The following HIKESHI variants were observed in gnomAD, a reference collection of about 807,000 sequenced individuals.
HIKESHI encodes protein Hikeshi.
Under a neutral mutation model 25.7 loss-of-function variants are expected in HIKESHI, and 13 were observed. That is an observed-to-expected ratio of 0.51 (90% CI 0.33 to 0.80). HIKESHI has a LOEUF of 0.80. Ranked by LOEUF, HIKESHI falls within the 30% of genes least tolerant of loss-of-function variation. HIKESHI has a pLI of 0.02. For synonymous variants in HIKESHI, 76 were observed against 78.7 expected (o/e 0.97, Z 0.18); for missense variants, 174 against 229.5 (o/e 0.76, Z 1.56).
chr11:86,332,140 T>TTTTTTTGTA, intron 2 of HIKESHI, among the ~76,000 whole-genome samples: 1 of 152,060 alleles, frequency 6.6e-6, no homozygotes, highest in East Asian at 1.9e-4. Context: ...TATTTTTATT[T>TTTTTTTGTA]TTTTTAGTAG....
intron 1 of HIKESHI, among the ~76,000 whole-genome samples, chr11:86,304,619 A>T (rs980213830): frequency 6.6e-6 from 1 of 150,496 alleles, no homozygotes; most frequent in African/African-American, 2.5e-5. Context: ...AGGTTCAAGC[A>T]ATTCTCATGC....
At chr11:86,306,147 T>C in intron 1 of HIKESHI, 98 bp from the exon 2 acceptor site, 2 of 775,876 alleles carry the variant, frequency 2.6e-6, no homozygotes, top group Non-Finnish European at 4.3e-6. Context: ...AGAAAGACTA[T>C]AATGGATTAT....
intron 2 of HIKESHI, among the ~76,000 whole-genome samples, chr11:86,308,167 C>CATATAAAAATATATTAT (rs1946716542): frequency 5.6e-5 from 1 of 17,804 alleles, no homozygotes; most frequent in African/African-American, 2.3e-4. Context: ...ATATATATTA[C>CATATAAAAATATATTAT]ATATAAAATA....
chr11:86,338,220 G>C (rs1194275894), intron 3 of HIKESHI, among the ~76,000 whole-genome samples: 2 of 151,886 alleles, frequency 1.3e-5, no homozygotes, highest in African/African-American at 4.8e-5. Context: ...TCATTCTACT[G>C]TCTGCTTCTG....
At chr11:86,318,539 C>T (rs189897041) in intron 2 of HIKESHI, among the ~76,000 whole-genome samples, 1 of 151,590 alleles carries the variant, frequency 6.6e-6, no homozygotes, top group Admixed American at 6.6e-5. Flanking sequence ...AACCTTCATA[C>T]CAACAATGGC....
rs1405744745 is a variant in HIKESHI at position 86,306,490 on chromosome 11, T to A, written c.268+8T>A. ...TTTCAGGTCTTAAATCTGGTAAGAA[T>A]AATATATTAAAGTAGTTTTATAATT... is the stretch of plus-strand genomic sequence containing the variant. On this transcript the variant is annotated splice_region_variant and intron_variant, in intron 2 of 4. Coordinates refer to ENST00000278483, the MANE Select transcript of HIKESHI (RefSeq NM_016401.4). 1.9e-5 allele frequency: 29 copies of A among 1,506,074 alleles called. No homozygotes were observed. The highest frequency in any genetic ancestry group is 1.1e-4 in the Admixed American group (6 of 56,866). The allele number at this position is 1,506,074 out of a possible 1,614,324, so 93.3% of individuals were successfully genotyped here. A position where few individuals can be genotyped will look rare whatever the true frequency, so the allele number is the denominator to read the frequency against.
intron 2 of HIKESHI, among the ~76,000 whole-genome samples, chr11:86,316,549 G>T (rs1219448047): frequency 3.3e-5 from 5 of 151,654 alleles, no homozygotes; most frequent in Non-Finnish European, 7.4e-5. Flanking sequence ...TTTAAAAAGG[G>T]GGAAAGCAAA....
At chr11:86,315,739 T>A (rs1471590927) in intron 2 of HIKESHI, among the ~76,000 whole-genome samples, 2 of 152,126 alleles carry the variant, frequency 1.3e-5, no homozygotes, top group Non-Finnish European at 2.9e-5. Context: ...TAAGAGGAAG[T>A]TGAACCCAGA....
At chr11:86,326,751 T>C (rs1947292396) in intron 2 of HIKESHI, 1 of 322,654 alleles carries the variant, frequency 3.1e-6, no homozygotes, top group Non-Finnish European at 6.1e-6. Flanking sequence ...AAACTAGAAA[T>C]ATGCAGTGCA....
chr11:86,319,242 A>ATATT (rs1383589741), intron 2 of HIKESHI, among the ~76,000 whole-genome samples: 1,936 of 94,834 alleles, frequency 0.02, 22 homozygotes, highest in African/African-American at 0.023. Context: ...ATATATATAT[A>ATATT]TTTTTTTTTT....
intron 3 of HIKESHI, among the ~76,000 whole-genome samples, chr11:86,341,058 T>C (rs1593876790): frequency 1.3e-5 from 2 of 152,350 alleles, no homozygotes; most frequent in East Asian, 3.9e-4. Flanking sequence ...AATCTATTTT[T>C]CCTAGTGTCT....
chr11:86,327,384 G>A (rs1360539581), intron 2 of HIKESHI, among the ~76,000 whole-genome samples: 1 of 151,578 alleles, frequency 6.6e-6, no homozygotes, highest in African/African-American at 2.4e-5. Flanking sequence ...GCGCAATCTC[G>A]GCTCACTGCC....
chr11:86,329,858 A>G (rs1457641957), intron 2 of HIKESHI, among the ~76,000 whole-genome samples: 1 of 152,008 alleles, frequency 6.6e-6, no homozygotes, highest in Non-Finnish European at 1.5e-5. Flanking sequence ...CTTTTAACAT[A>G]AATTTCCTTT....
At chr11:86,339,651 G>A (rs928145184) in intron 3 of HIKESHI, among the ~76,000 whole-genome samples, 3 of 152,010 alleles carry the variant, frequency 2.0e-5, no homozygotes, top group African/African-American at 7.3e-5. Context: ...AATATGTATA[G>A]TACTATCTGT....
chr11:86,314,122 G>A (rs986991619), intron 2 of HIKESHI, among the ~76,000 whole-genome samples: 2 of 152,020 alleles, frequency 1.3e-5, no homozygotes, highest in East Asian at 1.9e-4. Context: ...TATTTGCTTC[G>A]ACTCTGAAGC....
chr11:86,337,965 T>C (rs1214399191), intron 3 of HIKESHI, among the ~76,000 whole-genome samples: 3 of 152,180 alleles, frequency 2.0e-5, no homozygotes, highest in Admixed American at 2.0e-4. Context: ...ACCCAGCCTA[T>C]ATTTTGACAT....
At chr11:86,336,344 G>A (rs1429554241) in intron 2 of HIKESHI, among the ~76,000 whole-genome samples, 1 of 152,122 alleles carries the variant, frequency 6.6e-6, no homozygotes, top group Non-Finnish European at 1.5e-5. Flanking sequence ...TATATGATGA[G>A]GTCTTTTAAA....
intron 2 of HIKESHI, among the ~76,000 whole-genome samples, chr11:86,320,633 A>G (rs1397082261): frequency 3.3e-5 from 5 of 152,184 alleles, no homozygotes; most frequent in African/African-American, 1.2e-4. Context: ...AGCTTTATTG[A>G]TGTATAATTG....
intron 2 of HIKESHI, among the ~76,000 whole-genome samples, chr11:86,310,897 T>A (rs1468827618): frequency 6.6e-6 from 1 of 152,218 alleles, no homozygotes; most frequent in East Asian, 1.9e-4. Context: ...CAGCCTTGCA[T>A]CCCAGGGATG....
Sources: gnomAD v4.1 joint callset for allele counts (sites outside exome capture counted in the v4.1 genomes callset) on GRCh38, gnomAD v4.1.1 for gene constraint, MANE v1.5 for transcripts, NCBI Gene and HGNC (gene_info 2026-07-23, HGNC 2026-07-21) for gene names.